SPAG17: variants seen among roughly 807,000 people sequenced by gnomAD.
The protein encoded by SPAG17 is sperm-associated antigen 17.
SPAG17 carries 169 observed loss-of-function variants against 273.6 expected under a neutral mutation model. That is an observed-to-expected ratio of 0.62 (90% CI 0.55 to 0.70). The LOEUF (loss-of-function observed/expected upper bound fraction) is 0.70, where lower values mean the gene tolerates loss of function less well. Among genes scored for constraint, SPAG17 ranks in the 30% least tolerant of loss-of-function variants. The pLI, the probability that SPAG17 is intolerant of heterozygous loss-of-function variation, is 0.00. For missense variants in SPAG17, 2,557 were observed against 2,627.8 expected (o/e 0.97, Z 0.59); for synonymous variants, 825 against 873.2 (o/e 0.94, Z 0.97).
At position 118,055,935 on chromosome 1, in the gene SPAG17, C is replaced by T. The variant is rs760764923; in HGVS notation, c.2541-21G>A. The T allele has an allele frequency of 2.2e-5, 34 of 1,579,714 alleles. 1 individual carries two copies. Among genetic ancestry groups the T allele is most frequent in the Middle Eastern group, 1.9e-4 (1 of 5,320 alleles). ...AATTCCTAAACAAACCAATAGCAGA[C>T]GTCAATTGAGTTACTATGAAAGTCA... On this transcript the variant is annotated intron_variant, in intron 18 of 48. Transcript: ENST00000336338.
At chr1:118,084,130 AG>A (rs1169800557) in intron 13 of SPAG17, among the ~76,000 whole-genome samples, 3 of 152,096 alleles carry the variant, frequency 2.0e-5, no homozygotes, top group Non-Finnish European at 4.4e-5. Context: ...ACACAGAAAA[AG>A]GACAGAAGTT....
intron 48 of SPAG17, among the ~76,000 whole-genome samples, chr1:117,955,875 C>T (rs548538761): frequency 2.0e-5 from 3 of 151,980 alleles, no homozygotes; most frequent in Admixed American, 6.6e-5. Context: ...AATATGTTTA[C>T]ACATATATCT....
chr1:118,039,176 T>A, intron 23 of SPAG17, 116 bp downstream of exon 23: 2 of 1,084,102 alleles, frequency 1.8e-6, no homozygotes, highest in Non-Finnish European at 2.7e-6. Context: ...AATAAGAGAG[T>A]GTACTGGTAG....
At chr1:118,158,476 T>A (rs1659762565) in intron 1 of SPAG17, among the ~76,000 whole-genome samples, 1 of 152,208 alleles carries the variant, frequency 6.6e-6, no homozygotes, top group Non-Finnish European at 1.5e-5. Flanking sequence ...ATGAATCAGT[T>A]GTTTGCTGGT....
intron 7 of SPAG17, among the ~76,000 whole-genome samples, chr1:118,094,429 G>T (rs1013134540): frequency 6.6e-5 from 10 of 152,114 alleles, no homozygotes; most frequent in Admixed American, 2.0e-4. Context: ...GCATTGAAGG[G>T]CATTTATTTG....
chr1:118,053,037 T>C (rs1338743757), intron 20 of SPAG17, among the ~76,000 whole-genome samples: 1 of 152,020 alleles, frequency 6.6e-6, no homozygotes, highest in Non-Finnish European at 1.5e-5. Flanking sequence ...TATATGTAGT[T>C]ATGTAGGATG....
intron 1 of SPAG17, 112 bp from the exon 2 acceptor site, chr1:118,151,481 C>G: frequency 9.4e-7 from 1 of 1,060,350 alleles, no homozygotes; most frequent in Admixed American, 2.6e-5. Context: ...ACTTGAAAGA[C>G]AGAGGTGACC....
At chr1:118,129,654 C>T (rs1164808036) in intron 3 of SPAG17, among the ~76,000 whole-genome samples, 1 of 150,210 alleles carries the variant, frequency 6.7e-6, no homozygotes, top group Non-Finnish European at 1.5e-5. Flanking sequence ...TGCCCATCCT[C>T]CTTCTCTTCC....
intron 20 of SPAG17, among the ~76,000 whole-genome samples, chr1:118,044,433 C>T (rs547835467): frequency 7.3e-4 from 111 of 151,496 alleles, no homozygotes; most frequent in South Asian, 1.5e-3. Context: ...TGCAGTGAGC[C>T]GAGATCGCAC....
intron 32 of SPAG17, among the ~76,000 whole-genome samples, chr1:117,996,959 C>T (rs984223486): frequency 2.0e-5 from 3 of 152,014 alleles, no homozygotes; most frequent in African/African-American, 7.2e-5. Flanking sequence ...AGAACAGGAA[C>T]ACAGACTGAA....
At chr1:118,135,495 G>A (rs147307164) in intron 3 of SPAG17, among the ~76,000 whole-genome samples, 255 of 150,718 alleles carry the variant, frequency 1.7e-3, no homozygotes, top group Middle Eastern at 6.9e-3. Context: ...CCTAGGCTTC[G>A]CAGTCACTTC....
At chr1:118,023,276 T>C in intron 28 of SPAG17, 28 bp downstream of exon 28, 1 of 1,588,938 alleles carries the variant, frequency 6.3e-7, no homozygotes, top group Non-Finnish European at 8.6e-7. Flanking sequence ...ACTAAATCCA[T>C]AATAAACTGA....
chr1:118,086,181 G>T, intron 12 of SPAG17, 109 bp from the exon 13 acceptor site: 1 of 1,067,766 alleles, frequency 9.4e-7, no homozygotes, highest in Non-Finnish European at 1.4e-6. Flanking sequence ...TTTGGGAACA[G>T]GGGAAATCAA....
intron 1 of SPAG17, among the ~76,000 whole-genome samples, chr1:118,153,067 GA>G (rs1558050081): frequency 6.6e-6 from 1 of 152,188 alleles, no homozygotes; most frequent in Non-Finnish European, 1.5e-5. Flanking sequence ...ATGGTGACAA[GA>G]AAAGGCTGTC....
At chr1:118,017,696 GA>G (rs1446188545) in intron 28 of SPAG17, among the ~76,000 whole-genome samples, 1 of 152,190 alleles carries the variant, frequency 6.6e-6, no homozygotes, top group East Asian at 1.9e-4. Context: ...CAAGTTGGCA[GA>G]AGAGATAAAC....
chr1:118,099,230 G>C (rs1230753569), intron 6 of SPAG17, among the ~76,000 whole-genome samples: 4 of 152,100 alleles, frequency 2.6e-5, no homozygotes, highest in African/African-American at 9.7e-5. Context: ...GACCTCCCTT[G>C]GGCTACTTGA....
chr1:118,023,308 C>T lies in SPAG17; in HGVS notation c.4065G>A (p.Lys1355=). 1 of 1,609,178 alleles carries T rather than the reference C, an allele frequency of 6.2e-7. No individual in the cohort carries two copies. The highest frequency in any genetic ancestry group is 8.5e-7 in the Non-Finnish European group (1 of 1,177,362). Residue 1355 remains lysine (K), a synonymous_variant, in exon 28 of 49, where the codon AAG becomes AAA. Coordinates refer to ENST00000336338, the MANE Select transcript of SPAG17 (RefSeq NM_206996.4). ...ETIPSEITNT[K]KGKSHKSQSS... Reference sequence around the variant, plus strand: ...CTGAGAGGCTTCAATTGTTACCTTTCTTTGTGTTGGTAATCTCAGATGGTA... The same window carrying T: ...CTGAGAGGCTTCAATTGTTACCTTTTTTTGTGTTGGTAATCTCAGATGGTA...
intron 20 of SPAG17, among the ~76,000 whole-genome samples, chr1:118,046,548 T>G (rs1049574755): frequency 1.3e-5 from 2 of 152,012 alleles, no homozygotes; most frequent in Non-Finnish European, 2.9e-5. Context: ...TGAAATGATA[T>G]AACAAGTTAA....
At chr1:118,129,720 CTTTCCCTTTCTTTT>C (rs1657948729) in intron 3 of SPAG17, among the ~76,000 whole-genome samples, 1 of 148,306 alleles carries the variant, frequency 6.7e-6, no homozygotes, top group South Asian at 2.2e-4. Flanking sequence ...TCTTTTCTTT[CTTTCCCTTTCTTTT>C]CTTTCCTTCT....
Sources: gnomAD v4.1 joint callset for allele counts (sites outside exome capture counted in the v4.1 genomes callset) on GRCh38, gnomAD v4.1.1 for gene constraint, MANE v1.5 for transcripts, NCBI Gene and HGNC (gene_info 2026-07-23, HGNC 2026-07-21) for gene names.